The following CACNA1D variants were observed in gnomAD, a reference collection of about 807,000 sequenced individuals.
CACNA1D encodes the protein calcium voltage-gated channel subunit alpha1 D.
A neutral mutation model predicts 257.1 loss-of-function variants in CACNA1D; 55 were observed. That is an observed-to-expected ratio of 0.21 (90% CI 0.17 to 0.27). The LOEUF is 0.27. CACNA1D is among the 10% of genes least tolerant of loss of function. CACNA1D has a pLI of 1.00. For missense variants in CACNA1D, 1,876 were observed against 2,784.0 expected, an observed-to-expected ratio of 0.67 and a Z score of 7.34; for synonymous variants, 980 against 1,014.9, an observed-to-expected ratio of 0.97 and a Z score of 0.65.
At chr3:53,718,848 C>G (rs2094850581) in intron 10 of CACNA1D, 1 of 1,031,600 alleles carries the variant, frequency 9.7e-7, no homozygotes, top group African/African-American at 1.6e-5. Context: ...TTAAGTTTTC[C>G]TTTGCTCATG....
intron 40 of CACNA1D, chr3:53,792,140 T>C (rs1056957278): frequency 6.6e-6 from 1 of 152,246 alleles, no homozygotes; most frequent in Non-Finnish European, 1.5e-5. Flanking sequence ...GTACCATACT[T>C]ACCCATTGAG....
intron 40 of CACNA1D, chr3:53,790,922 T>A: frequency 1.4e-6 from 1 of 696,678 alleles, no homozygotes; most frequent in Admixed American, 2.0e-5. Flanking sequence ...CTTTTTTTAA[T>A]CTAAGAGGAG....
At chr3:53,670,734 A>G (rs368692858) in intron 7 of CACNA1D, among the ~76,000 whole-genome samples, 2 of 152,102 alleles carry the variant, frequency 1.3e-5, no homozygotes, top group East Asian at 3.9e-4. Context: ...ACTTTGATAT[A>G]AGTTTTTTAA....
At chr3:53,605,143 T>C (rs1395289063) in intron 3 of CACNA1D, among the ~76,000 whole-genome samples, 2 of 152,176 alleles carry the variant, frequency 1.3e-5, no homozygotes, top group African/African-American at 2.4e-5. Context: ...TAGAAATAAA[T>C]GACATTCACA....
chr3:53,656,033 G>GTT (rs1381348992), intron 4 of CACNA1D, among the ~76,000 whole-genome samples: 14 of 152,146 alleles, frequency 9.2e-5, no homozygotes, highest in Non-Finnish European at 1.8e-4. Context: ...TATTGAATAG[G>GTT]GAGTCCTTTC....
intron 15 of CACNA1D, 109 bp from the exon 16 acceptor site, chr3:53,730,333 G>A (rs1015582737): frequency 4.0e-5 from 30 of 751,998 alleles, no homozygotes; most frequent in Admixed American, 3.7e-4. Flanking sequence ...CACTTGGGAC[G>A]GTCACTTACT....
At chr3:53,672,405 A>C (rs1380417979) in intron 7 of CACNA1D, among the ~76,000 whole-genome samples, 1 of 152,166 alleles carries the variant, frequency 6.6e-6, no homozygotes, top group Non-Finnish European at 1.5e-5. Context: ...TTTTGTTTGC[A>C]CTCACAGGTT....
rs545335700 is a variant in CACNA1D, at chr3:53,655,993, A to T, written c.624-4140A>T. Reference sequence around the variant, plus strand: ...AAAGGGTCCAGTTTCAATCTTGTGCATATGGCTTGCCAGTTATCCCAGCAT... The same window carrying T: ...AAAGGGTCCAGTTTCAATCTTGTGCTTATGGCTTGCCAGTTATCCCAGCAT... On this transcript the variant is annotated intron_variant, in intron 4 of 47. Coordinates refer to ENST00000350061, the MANE Select transcript of CACNA1D (RefSeq NM_001128840.3). 2.0e-5 allele frequency among the ~76,000 whole-genome samples: 3 copies of T among 152,324 alleles called. No homozygotes were observed. In the South Asian group the frequency reaches 6.2e-4, roughly 32 times the overall value.
In CACNA1D at chr3:53,800,801, C is replaced by T; in HGVS notation, c.5041-257C>T. 1.7e-6 allele frequency: 1 copy of T among 571,568 alleles called. No individual in the cohort carries two copies. The highest frequency in any genetic ancestry group is 3.1e-6 in the Non-Finnish European group (1 of 319,474). The allele number at this position is 571,568 out of a possible 1,614,324, so 35.4% of individuals were successfully genotyped here. A position where few individuals can be genotyped will look rare whatever the true frequency, so the allele number is the denominator to read the frequency against. ...GGGTATAAGTCACCCCAACTTGGAG[C>T]AACTGGAAGAGCACACTCGAGTGAC... On this transcript the variant is annotated intron_variant, in intron 41 of 47. Coordinates refer to ENST00000350061, the MANE Select transcript of CACNA1D (RefSeq NM_001128840.3). This position sits in a 1 kb window ranked among gnomAD's most constrained non-coding sequence, Gnocchi z 4.3.
At chr3:53,714,366 C>T (rs2094796240) in intron 9 of CACNA1D, among the ~76,000 whole-genome samples, 1 of 152,178 alleles carries the variant, frequency 6.6e-6, no homozygotes, top group African/African-American at 2.4e-5. Flanking sequence ...ATGGGGCAGT[C>T]ACAATGCTAT....
At chr3:53,733,304 C>G (rs990759996) in intron 19 of CACNA1D, among the ~76,000 whole-genome samples, 3 of 152,234 alleles carry the variant, frequency 2.0e-5, no homozygotes, top group Non-Finnish European at 2.9e-5. Flanking sequence ...GCTCACTGCT[C>G]TGGTGTTCCA....
intron 3 of CACNA1D, among the ~76,000 whole-genome samples, chr3:53,639,518 A>T (rs1576191277): frequency 6.6e-6 from 1 of 151,656 alleles, no homozygotes; most frequent in African/African-American, 2.4e-5. Flanking sequence ...TCCTGAGTAG[A>T]TGGGACTACA....
At chr3:53,566,660 A>T (rs372445504) in intron 3 of CACNA1D, among the ~76,000 whole-genome samples, 3 of 152,002 alleles carry the variant, frequency 2.0e-5, no homozygotes, top group East Asian at 3.9e-4. Flanking sequence ...GCCGCTTGAG[A>T]GCTGTTTGCT....
Position 53,772,853 on chromosome 3 carries a change from C to T in CACNA1D, c.4065C>T (p.Leu1355=). 2 of 1,613,944 alleles carry T rather than the reference C, an allele frequency of 1.2e-6. No homozygotes were observed. Among genetic ancestry groups the T allele is most frequent in the Non-Finnish European group, 1.7e-6 (2 of 1,179,978 alleles). ...KSFQALPYVA[L]LIAMLFFIYA... ...CCCAGGCGCTCCCGTATGTGGCCCTCCTCATAGCCATGCTGTTCTTCATCT... is the reference window on the plus strand; with the variant it reads ...CCCAGGCGCTCCCGTATGTGGCCCTTCTCATAGCCATGCTGTTCTTCATCT... The change falls in exon 33 of 48, where the codon CTC becomes CTT. Residue 1355 remains leucine, a synonymous_variant. Coordinates refer to ENST00000350061, the MANE Select transcript of CACNA1D (RefSeq NM_001128840.3).
Position 53,793,922 on chromosome 3 carries a change from TG to T in CACNA1D, c.4924-6325del, listed in dbSNP as rs2095496096. Among the ~76,000 whole-genome samples, 2 of 152,186 alleles carry T rather than the reference TG, an allele frequency of 1.3e-5. No individual in the cohort carries two copies. Among genetic ancestry groups the T allele is most frequent in the South Asian group, 2.1e-4 (1 of 4,822 alleles). On this transcript the variant is annotated intron_variant, in intron 40 of 47. Transcript: ENST00000350061. The surrounding 1 kb of genome is among the most constrained non-coding windows in gnomAD (Gnocchi z 4.1). The stretch of plus-strand genomic sequence containing the variant: ...TCTTCACAGACACACACAGCAAACT[TG>T]GCACCCCCAACACCAGCATCCATAG...
At chr3:53,745,573 C>A in intron 23 of CACNA1D, 51 bp from the exon 24 acceptor site, 1 of 1,254,474 alleles carries the variant, frequency 8.0e-7, no homozygotes, top group Non-Finnish European at 1.2e-6. Flanking sequence ...GTTAGCTCAC[C>A]TCAAGGCCAA....
intron 27 of CACNA1D, 114 bp downstream of exon 27, chr3:53,749,583 G>GAACA: frequency 1.3e-6 from 1 of 769,962 alleles, no homozygotes; most frequent in Non-Finnish European, 2.3e-6. Context: ...GTCTGTCCCT[G>GAACA]GGGCTAGGGC....
chr3:53,566,439 T>C lies in CACNA1D; in HGVS notation c.483+64719T>C, dbSNP rs544721600. 4.6e-5 allele frequency among the ~76,000 whole-genome samples: 7 copies of C among 152,012 alleles called. No homozygotes were observed. In the South Asian group the frequency reaches 1.5e-3, roughly 32 times the overall value. The stretch of plus-strand genomic sequence containing the variant: ...CTCGAATGTCATCTTCTCAGAGAGG[T>C]CCTCCCTGACCACCCTCTCCCATAA... On this transcript the variant is annotated intron_variant, in intron 3 of 47. Transcript: ENST00000350061.
At chr3:53,522,272 C>T (rs1427715330) in intron 3 of CACNA1D, among the ~76,000 whole-genome samples, 2 of 152,204 alleles carry the variant, frequency 1.3e-5, no homozygotes, top group Non-Finnish European at 2.9e-5. Flanking sequence ...CCACTCCTGA[C>T]CCAGTGGTGC....
Sources: gnomAD v4.1 joint callset for allele counts (sites outside exome capture counted in the v4.1 genomes callset) on GRCh38, gnomAD v4.1.1 for gene constraint, Gnocchi (gnomAD v3.1) non-coding constraint, MANE v1.5 for transcripts, NCBI Gene and HGNC (gene_info 2026-07-23, HGNC 2026-07-21) for gene names.